Variants in SYNCRIP observed in about 807,000 individuals in gnomAD.
The protein encoded by SYNCRIP is synaptotagmin binding cytoplasmic RNA interacting protein.
SYNCRIP carries 9 observed loss-of-function variants against 68.9 expected under a neutral mutation model. That is an observed-to-expected ratio of 0.13 (90% CI 0.08 to 0.23). The LOEUF is 0.23. SYNCRIP is among the 10% of genes least tolerant of loss of function. The pLI is 1.00. For missense variants in SYNCRIP, 414 were observed against 770.6 expected (o/e 0.54, Z 5.48); for synonymous variants, 258 against 254.0 (o/e 1.02, Z -0.15).
intron 6 of SYNCRIP, 133 bp from the exon 7 acceptor site, chr6:85,624,245 G>C: frequency 1.2e-6 from 1 of 816,944 alleles, no homozygotes; most frequent in Non-Finnish European, 1.9e-6. Flanking sequence ...GGAATTATGA[G>C]GAACAGATTA....
intron 8 of SYNCRIP, among the ~76,000 whole-genome samples, chr6:85,620,315 T>C (rs1299450731): frequency 6.6e-6 from 1 of 152,176 alleles, no homozygotes; most frequent in African/African-American, 2.4e-5. Flanking sequence ...GAATGGACAA[T>C]TGTGGCACAT....
chr6:85,611,144 T>C (rs1372141138), downstream of SYNCRIP: 1 of 152,030 alleles, frequency 6.6e-6, no homozygotes, highest in Admixed American at 6.6e-5. Flanking sequence ...ATGTGAAACA[T>C]ACAGGCTATT....
At chr6:85,618,388 A>AC (rs1009675612) in intron 10 of SYNCRIP, among the ~76,000 whole-genome samples, 2 of 151,852 alleles carry the variant, frequency 1.3e-5, no homozygotes, top group African/African-American at 4.8e-5. Context: ...TAAAAAAAAA[A>AC]ACACAAAAAT....
rs201857474 is a variant in SYNCRIP at position 85,637,473 on chromosome 6, A to C, written c.376-117T>G. On this transcript the variant is annotated intron_variant, in intron 4 of 10. Transcript: ENST00000369622. ...AATTATCTTGGCATGTTCCCTTATA[A>C]AAACAGGTTTGTGATGTCTGTTTTA... The C allele has an allele frequency of 1.2e-4, 21 of 180,808 alleles. 1 individual carries two copies. In the South Asian group the frequency reaches 1.4e-3, roughly 12 times the overall value. The allele number at this position is 180,808 out of a possible 1,614,324, so 11.2% of individuals were successfully genotyped here. A position where few individuals can be genotyped will look rare whatever the true frequency, so the allele number is the denominator to read the frequency against.
chr6:85,626,575 A>C (rs1290182432), intron 6 of SYNCRIP, among the ~76,000 whole-genome samples: 1 of 152,222 alleles, frequency 6.6e-6, no homozygotes, highest in Non-Finnish European at 1.5e-5. Flanking sequence ...TAGTTCTACC[A>C]AGAAAATACA....
chr6:85,627,607 A>G lies in SYNCRIP; in HGVS notation c.667-3495T>C, dbSNP rs192611234. On this transcript the variant is annotated intron_variant, in intron 6 of 10. Coordinates refer to ENST00000369622, the MANE Select transcript of SYNCRIP (RefSeq NM_006372.5). Reference sequence around the variant, plus strand: ...TGGTGTAATACAAAAAACAAATGTGAATAAGAGATTCTAATTTAATACTAG... The same window carrying G: ...TGGTGTAATACAAAAAACAAATGTGGATAAGAGATTCTAATTTAATACTAG... 4.4e-3 allele frequency among the ~76,000 whole-genome samples: 676 copies of G among 152,330 alleles called. 1 individual carries two copies. Among genetic ancestry groups the G allele is most frequent in the South Asian group, 8.9e-3 (43 of 4,830 alleles).
chr6:85,627,057 G>A (rs1562093299), intron 6 of SYNCRIP, among the ~76,000 whole-genome samples: 1 of 152,080 alleles, frequency 6.6e-6, no homozygotes, highest in Non-Finnish European at 1.5e-5. Context: ...CCTAAGCTCA[G>A]GAGTTCGAGA....
At chr6:85,626,344 A>G (rs928687082) in intron 6 of SYNCRIP, among the ~76,000 whole-genome samples, 9 of 152,206 alleles carry the variant, frequency 5.9e-5, no homozygotes, top group African/African-American at 1.2e-4. Context: ...TGGTCATGCA[A>G]TCAGTAATTC....
Position 85,614,910 on chromosome 6 carries a change from G to A in SYNCRIP, c.1718C>T (p.Pro573Leu). 6.2e-7 allele frequency: 1 copy of A among 1,614,156 alleles called. No homozygotes were observed. The highest frequency in any genetic ancestry group is 8.5e-7 in the Non-Finnish European group (1 of 1,180,032). Residue 573 changes from proline (P) to leucine (L), a missense_variant, in exon 11 of 11, where the codon CCA (proline) becomes CTA (leucine). Physicochemically the swap from Pro to Leu is moderately conservative, Grantham distance 98. Coordinates refer to ENST00000369622, the MANE Select transcript of SYNCRIP (RefSeq NM_006372.5). ...GKRKADGYNQPDSKRRQTNNQ... is the reference protein window; with the variant it reads ...GKRKADGYNQLDSKRRQTNNQ... Reference sequence around the variant, plus strand: ...ATTGGTCTGGCGCCGCTTGGAATCTGGCTGGTTGTACCCATCAGCTTTGCG... The same window carrying A: ...ATTGGTCTGGCGCCGCTTGGAATCTAGCTGGTTGTACCCATCAGCTTTGCG...
chr6:85,613,961 C>G, downstream of SYNCRIP: 1 of 980,482 alleles, frequency 1.0e-6, no homozygotes, highest in Non-Finnish European at 1.2e-6. Flanking sequence ...CTCTAAAATA[C>G]TTACCAACTT....
At chr6:85,632,821 T>C (rs972721231) in intron 6 of SYNCRIP, among the ~76,000 whole-genome samples, 1 of 152,152 alleles carries the variant, frequency 6.6e-6, no homozygotes, top group Admixed American at 6.6e-5. Flanking sequence ...CTCATAGTCC[T>C]AGCTGCTGAG....
intron 4 of SYNCRIP, among the ~76,000 whole-genome samples, chr6:85,638,490 G>A (rs1483324155): frequency 1.3e-5 from 2 of 149,684 alleles, no homozygotes; most frequent in Non-Finnish European, 3.0e-5. Context: ...GCACAAAAGT[G>A]GTTTTCTAAA....
At chr6:85,623,583 A>AAAAAAAAACAAAAAAC (rs1562087872) in intron 7 of SYNCRIP, among the ~76,000 whole-genome samples, 25 of 144,002 alleles carry the variant, frequency 1.7e-4, no homozygotes, top group African/African-American at 5.8e-4. Context: ...AAAAAAAAAA[A>AAAAAAAAACAAAAAAC]CACTCTGCTA....
chr6:85,643,503 C>G (rs1293481102), upstream of SYNCRIP, among the ~76,000 whole-genome samples: 2 of 152,020 alleles, frequency 1.3e-5, no homozygotes, highest in Non-Finnish European at 2.9e-5. Flanking sequence ...CCGCCCCTTC[C>G]CCTCCCGACA....
intron 8 of SYNCRIP, among the ~76,000 whole-genome samples, 189 bp downstream of exon 8, chr6:85,622,293 C>T (rs959008216): frequency 5.3e-5 from 8 of 152,034 alleles, no homozygotes; most frequent in Admixed American, 2.0e-4. Context: ...CACTTGAACC[C>T]GGGAGGCGGA....
chr6:85,619,436 C>G lies in SYNCRIP; in HGVS notation c.1009-19G>C. 1 of 1,601,830 alleles carries G rather than the reference C, an allele frequency of 6.2e-7. No individual in the cohort carries two copies. Among genetic ancestry groups the G allele is most frequent in the East Asian group, 2.3e-5 (1 of 44,422 alleles). On this transcript the variant is annotated intron_variant, in intron 8 of 10. Coordinates refer to ENST00000369622, the MANE Select transcript of SYNCRIP (RefSeq NM_006372.5). ...CTTTTACCTAGGGGGAAGAAAATAC[C>G]CCCCTGTATTATTTCCAAAGAGTTC...
chr6:85,632,009 T>A (rs368665695), intron 6 of SYNCRIP, among the ~76,000 whole-genome samples: 5 of 152,338 alleles, frequency 3.3e-5, no homozygotes, highest in Admixed American at 6.5e-5. Flanking sequence ...ACAAATGGAT[T>A]TTTTTCATTC....
intron 7 of SYNCRIP, among the ~76,000 whole-genome samples, chr6:85,623,571 A>AAAAAAAAAAAC (rs1806679362): frequency 6.8e-6 from 1 of 147,876 alleles, no homozygotes; most frequent in African/African-American, 2.6e-5. Context: ...CCAAAAAAAA[A>AAAAAAAAAAAC]AAAAAAAAAA....
intron 6 of SYNCRIP, among the ~76,000 whole-genome samples, chr6:85,633,632 T>C (rs1213156017): frequency 6.6e-6 from 1 of 152,150 alleles, no homozygotes; most frequent in Non-Finnish European, 1.5e-5. Flanking sequence ...AATGATGGTA[T>C]GACCAATATA....
Sources: gnomAD v4.1 joint callset for allele counts (sites outside exome capture counted in the v4.1 genomes callset) on GRCh38, gnomAD v4.1.1 for gene constraint, MANE v1.5 for transcripts, NCBI Gene and HGNC (gene_info 2026-07-23, HGNC 2026-07-21) for gene names.